Variants in ZNF541 observed in about 807,000 individuals in gnomAD.
ZNF541 encodes zinc finger protein 541.
A neutral mutation model predicts 123.5 loss-of-function variants in ZNF541; 23 were observed. The observed-to-expected ratio is 0.19, with a 90% confidence interval of 0.13 to 0.26. ZNF541 has a LOEUF of 0.26. ZNF541 is among the 10% of genes least tolerant of loss of function. ZNF541 has a pLI of 1.00. For missense variants in ZNF541, 1,612 were observed against 1,789.9 expected, an observed-to-expected ratio of 0.90 and a Z score of 1.79; for synonymous variants, 751 against 754.5, an observed-to-expected ratio of 1.00 and a Z score of 0.08.
At chr19:47,531,218 C>A (rs1969550625) in intron 12 of ZNF541, among the ~76,000 whole-genome samples, 1 of 107,088 alleles carries the variant, frequency 9.3e-6, no homozygotes, top group Non-Finnish European at 1.7e-5. Flanking sequence ...CTTTCTAACA[C>A]CCAGAATTGT....
chr19:47,550,723 T>C (rs1970563729), intron 3 of ZNF541, among the ~76,000 whole-genome samples: 1 of 152,204 alleles, frequency 6.6e-6, no homozygotes. Context: ...CACAGCTCAT[T>C]GCAGTCTCTA....
Position 47,549,137 on chromosome 19 carries a change from C to T in ZNF541, c.548+108G>A, listed in dbSNP as rs1970490953. 4.0e-5 allele frequency: 58 copies of T among 1,465,730 alleles called. No homozygotes were observed. In the South Asian group the frequency reaches 7.4e-4, roughly 19 times the overall value. The allele number at this position is 1,465,730 out of a possible 1,614,324, so 90.8% of individuals were successfully genotyped here. The stretch of plus-strand genomic sequence containing the variant: ...GGTAATACACGTCTGGAAAACCCAA[C>T]AGAGGACGAGACAGCAGGTTGATCT... On this transcript the variant is annotated intron_variant, in intron 4 of 16. Coordinates refer to ENST00000391901, the MANE Select transcript of ZNF541 (RefSeq NM_001277075.3).
intron 7 of ZNF541, 43 bp downstream of exon 7, chr19:47,540,133 C>T (rs938439853): frequency 3.3e-6 from 5 of 1,530,374 alleles, no homozygotes; most frequent in Non-Finnish European, 3.5e-6. Context: ...ACAGGCCTGC[C>T]AGAAACCCAG....
chr19:47,559,085 A>G (rs1970954924), intron 2 of ZNF541, among the ~76,000 whole-genome samples: 1 of 149,994 alleles, frequency 6.7e-6, no homozygotes, highest in African/African-American at 2.4e-5. Flanking sequence ...AAATAAAAAG[A>G]CTGGGCCAGG....
intron 3 of ZNF541, among the ~76,000 whole-genome samples, chr19:47,554,276 CA>C (rs1466115944): frequency 6.6e-6 from 1 of 152,048 alleles, no homozygotes; most frequent in Non-Finnish European, 1.5e-5. Flanking sequence ...ACTAAAAATA[CA>C]AAAGTTAGCT....
intron 2 of ZNF541, among the ~76,000 whole-genome samples, chr19:47,567,922 C>A (rs143269391): frequency 2.9e-3 from 436 of 152,308 alleles, no homozygotes; most frequent in Non-Finnish European, 5.1e-3. Flanking sequence ...CCTCTGAACC[C>A]TGACAAGCAC....
intron 2 of ZNF541, among the ~76,000 whole-genome samples, chr19:47,566,853 C>T (rs1971283850): frequency 6.6e-6 from 1 of 151,876 alleles, no homozygotes; most frequent in Admixed American, 6.6e-5. Flanking sequence ...AGATTGAGAC[C>T]ATCCTGGCTA....
At chr19:47,531,532 GC>G in intron 12 of ZNF541, 109 bp downstream of exon 12, 2 of 774,518 alleles carry the variant, frequency 2.6e-6, no homozygotes, top group Middle Eastern at 4.1e-4. Flanking sequence ...AGGATGGGCG[GC>G]CTTCTTCCAG....
chr19:47,568,342 T>C (rs1039960137), intron 2 of ZNF541, among the ~76,000 whole-genome samples: 1 of 152,000 alleles, frequency 6.6e-6, no homozygotes, highest in African/African-American at 2.4e-5. Context: ...ATTTCCTTCA[T>C]TTTATTTTAT....
chr19:47,525,917 C>CAAAAAAAAA (rs34123668), intron 14 of ZNF541, among the ~76,000 whole-genome samples: 2 of 57,606 alleles, frequency 3.5e-5, no homozygotes, highest in African/African-American at 5.2e-5. Flanking sequence ...CTCCGTCTCA[C>CAAAAAAAAA]AAAAAAAAAA....
Position 47,540,350 on chromosome 19 carries a change from A to C in ZNF541, c.2463-15T>G. ...TTTGCTGGTTACTGTGGGACATGGC[A>C]GGAAAGAAGAGTGGGAGATTAGGAC... On this transcript the variant is annotated splice_polypyrimidine_tract_variant and intron_variant, in intron 6 of 16. Transcript: ENST00000391901. 1 of 1,545,412 alleles carries C rather than the reference A, an allele frequency of 6.5e-7. No individual in the cohort carries two copies. Among genetic ancestry groups the C allele is most frequent in the Non-Finnish European group, 8.7e-7 (1 of 1,143,406 alleles).
At position 47,521,055 on chromosome 19, in the gene ZNF541, A is replaced by G. The variant is rs1968999951; in HGVS notation, c.*169T>C. 2.6e-6 allele frequency: 2 copies of G among 758,954 alleles called. No individual in the cohort carries two copies. Among genetic ancestry groups the G allele is most frequent in the South Asian group, 1.9e-5 (1 of 53,264 alleles). The allele number at this position is 758,954 out of a possible 1,614,324, so 47.0% of individuals were successfully genotyped here. A position where few individuals can be genotyped will look rare whatever the true frequency, so the allele number is the denominator to read the frequency against. ...GGACTGCATAGCTGTCCGACAACTG[A>G]GCTCCTCCTGCCTATCTGTGGCCAA... On this transcript the variant is annotated 3_prime_UTR_variant, in exon 17 of 17. Transcript: ENST00000391901. The surrounding 1 kb of genome is among the most constrained non-coding windows in gnomAD (Gnocchi z 4.2).
At chr19:47,534,678 C>CA (rs775854066) in intron 9 of ZNF541, among the ~76,000 whole-genome samples, 23 of 150,826 alleles carry the variant, frequency 1.5e-4, no homozygotes, top group Non-Finnish European at 3.0e-4. Context: ...CCCCCCAAAA[C>CA]AAAAAAACAA....
chr19:47,539,550 C>T (rs1291288171), intron 8 of ZNF541, among the ~76,000 whole-genome samples, 155 bp downstream of exon 8: 1 of 152,170 alleles, frequency 6.6e-6, no homozygotes, highest in African/African-American at 2.4e-5. Flanking sequence ...AATCCACCCG[C>T]CTCAGCCTCC....
At position 47,529,018 on chromosome 19, in the gene ZNF541, T is replaced by A; in HGVS notation, c.3502A>T (p.Ile1168Leu). Residue 1168 changes from isoleucine to leucine, a missense_variant, in exon 14 of 17, where the codon ATA becomes TTA. Coordinates refer to ENST00000391901, the MANE Select transcript of ZNF541 (RefSeq NM_001277075.3). ...GCCTTCTTAAAAAGCCTCTTCTCTA[T>A]AGGGGTCCAGACGTCTGAACCTATC... ...RYTGSDVWTP[I>L]EKRLFKKAFY... The A allele has an allele frequency of 6.4e-7, 1 of 1,551,596 alleles. No individual in the cohort carries two copies. Among genetic ancestry groups the A allele is most frequent in the Non-Finnish European group, 8.7e-7 (1 of 1,146,938 alleles).
intron 2 of ZNF541, among the ~76,000 whole-genome samples, chr19:47,569,541 G>A (rs1460679550): frequency 6.6e-6 from 1 of 151,878 alleles, no homozygotes; most frequent in Non-Finnish European, 1.5e-5. Flanking sequence ...CTTCACACTC[G>A]TGCCTACATT....
chr19:47,529,447 GGC>G, intron 13 of ZNF541, 128 bp downstream of exon 13: 2 of 867,650 alleles, frequency 2.3e-6, no homozygotes, highest in South Asian at 3.4e-5. Context: ...GACAAGGACA[GGC>G]CCTCCTGAAA....
At chr19:47,553,115 T>A (rs545322030) in intron 3 of ZNF541, among the ~76,000 whole-genome samples, 5 of 151,688 alleles carry the variant, frequency 3.3e-5, no homozygotes, top group Non-Finnish European at 5.9e-5. Flanking sequence ...CTCAAAAAAA[T>A]AAATAAATAA....
rs1969488028 is a variant in ZNF541, at chr19:47,529,986, C to G, written c.3406-334G>C. Among the ~76,000 whole-genome samples, 4 of 152,112 alleles carry G rather than the reference C, an allele frequency of 2.6e-5. No individual in the cohort carries two copies. The South Asian group carries it at 8.3e-4, about 32-fold the overall frequency. On this transcript the variant is annotated intron_variant, in intron 12 of 16. Coordinates refer to ENST00000391901, the MANE Select transcript of ZNF541 (RefSeq NM_001277075.3). Reference sequence around the variant, plus strand: ...GGAGTATGACCCTTGCGTAGGGCCCCATTTTTATTTTCTTCATAGCACTAG... The same window carrying G: ...GGAGTATGACCCTTGCGTAGGGCCCGATTTTTATTTTCTTCATAGCACTAG...
Sources: allele counts gnomAD v4.1 joint callset (sites outside exome capture counted in the v4.1 genomes callset), GRCh38; gene constraint gnomAD v4.1.1; non-coding constraint Gnocchi (gnomAD v3.1); transcripts MANE v1.5; gene names NCBI Gene and HGNC (gene_info 2026-07-23, HGNC 2026-07-21).